Variants in SLC38A1 observed in about 807,000 individuals in gnomAD.
SLC38A1 encodes the protein solute carrier family 38 member 1, also known as sodium-coupled neutral amino acid symporter 1.
Under a neutral mutation model 60.3 loss-of-function variants are expected in SLC38A1, and 18 were observed. The observed-to-expected ratio is 0.30, with a 90% CI of 0.21 to 0.44. SLC38A1 has a LOEUF of 0.44. Ranked by LOEUF, SLC38A1 falls within the 20% of genes least tolerant of loss-of-function variation. The pLI is 1.00. For synonymous variants in SLC38A1, 196 were observed against 212.1 expected (o/e 0.92, Z 0.66); for missense variants, 448 against 587.2 (o/e 0.76, Z 2.45).
At chr12:46,190,303 G>A (rs1450350127) in intron 16 of SLC38A1, among the ~76,000 whole-genome samples, 1 of 152,174 alleles carries the variant, frequency 6.6e-6, no homozygotes. Flanking sequence ...ATTCCATGGT[G>A]TACATGTGCC....
chr12:46,264,047 T>C (rs1431286582), intron 1 of SLC38A1, among the ~76,000 whole-genome samples: 1 of 152,228 alleles, frequency 6.6e-6, no homozygotes, highest in Non-Finnish European at 1.5e-5. Context: ...CCAGGCCAAC[T>C]AAATCTGAAT....
intron 11 of SLC38A1, among the ~76,000 whole-genome samples, chr12:46,203,538 G>C (rs1202719876): frequency 6.6e-6 from 1 of 152,138 alleles, no homozygotes; most frequent in African/African-American, 2.4e-5. Flanking sequence ...CAGGTGCATG[G>C]AATCGGACTT....
intron 6 of SLC38A1, among the ~76,000 whole-genome samples, chr12:46,208,351 C>G (rs1940003011): frequency 6.6e-6 from 1 of 152,146 alleles, no homozygotes; most frequent in South Asian, 2.1e-4. Flanking sequence ...TCAAAAGGTT[C>G]ACGGAGAGCA....
In SLC38A1 at chr12:46,184,777, T is replaced by C. The variant is rs958939248; in HGVS notation, c.*4193A>G. 2.0e-5 allele frequency: 3 copies of C among 152,228 alleles called. No homozygotes were observed. The highest frequency in any genetic ancestry group is 6.5e-5 in the Admixed American group (1 of 15,282). The allele number at this position is 152,228 out of a possible 1,614,324, so 9.4% of individuals were successfully genotyped here. On this transcript the variant is annotated 3_prime_UTR_variant, in exon 17 of 17. Coordinates refer to ENST00000398637, the MANE Select transcript of SLC38A1 (RefSeq NM_030674.4). Reference sequence around the variant, plus strand: ...TAAGTCTGCATTTACAAAGGGTCTTTTATTTTAATTTCTTTCACAACTGCC... The same window carrying C: ...TAAGTCTGCATTTACAAAGGGTCTTCTATTTTAATTTCTTTCACAACTGCC...
At chr12:46,210,785 A>G (rs1028074195) in intron 5 of SLC38A1, among the ~76,000 whole-genome samples, 3 of 152,182 alleles carry the variant, frequency 2.0e-5, no homozygotes, top group African/African-American at 7.2e-5. Context: ...GCCTTCCGCC[A>G]TAATTGTGAG....
rs532451297 is a variant in SLC38A1 at position 46,188,756 on chromosome 12, A to T, written c.*214T>A. 7.9e-5 allele frequency: 33 copies of T among 417,752 alleles called. No homozygotes were observed. Among genetic ancestry groups the T allele is most frequent in the African/African-American group, 6.4e-4 (32 of 49,794 alleles). The allele number at this position is 417,752 out of a possible 1,614,324, so 25.9% of individuals were successfully genotyped here. A position where few individuals can be genotyped will look rare whatever the true frequency, so the allele number is the denominator to read the frequency against. ...TGATTGTATGAAATTTGAAAAAAAAATTTCACAATCCCTAAATTGATCTCA... is the reference window on the plus strand; with the variant it reads ...TGATTGTATGAAATTTGAAAAAAAATTTTCACAATCCCTAAATTGATCTCA... On this transcript the variant is annotated 3_prime_UTR_variant, in exon 17 of 17. Coordinates refer to ENST00000398637, the MANE Select transcript of SLC38A1 (RefSeq NM_030674.4).
chr12:46,229,042 C>T, intron 5 of SLC38A1, 111 bp downstream of exon 5: 1 of 612,206 alleles, frequency 1.6e-6, no homozygotes, highest in Non-Finnish European at 2.8e-6. Flanking sequence ...GTAACTTAGC[C>T]AAGTTAATAA....
rs1938927589 is a variant in SLC38A1 at position 46,186,084 on chromosome 12, T to A, written c.*2886A>T. The A allele has an allele frequency of 6.6e-6, 1 of 152,196 alleles. No homozygotes were observed. Among genetic ancestry groups the A allele is most frequent in the Non-Finnish European group, 1.5e-5 (1 of 68,026 alleles). The allele number at this position is 152,196 out of a possible 1,614,324, so 9.4% of individuals were successfully genotyped here. ...ATCTTTTCCAGCTGCTCTAGGGGCC[T>A]AACCACCATGGATAACCTGGTCTCT... On this transcript the variant is annotated 3_prime_UTR_variant, in exon 17 of 17. Transcript: ENST00000398637.
intron 5 of SLC38A1, among the ~76,000 whole-genome samples, chr12:46,228,924 T>C (rs1190574010): frequency 1.3e-5 from 2 of 152,216 alleles, no homozygotes; most frequent in African/African-American, 2.4e-5. Flanking sequence ...CACAAATGCT[T>C]ATTTCAGTAT....
At chr12:46,218,896 G>A (rs1429707931) in intron 5 of SLC38A1, among the ~76,000 whole-genome samples, 1 of 152,078 alleles carries the variant, frequency 6.6e-6, no homozygotes, top group Non-Finnish European at 1.5e-5. Flanking sequence ...AGAACTGGTT[G>A]GGCGAGATTA....
chr12:46,250,224 C>G (rs900013900), intron 1 of SLC38A1, among the ~76,000 whole-genome samples: 75 of 152,220 alleles, frequency 4.9e-4, no homozygotes, highest in African/African-American at 1.7e-3. Flanking sequence ...TAAACAGAAC[C>G]AACCACAAAA....
chr12:46,236,872 A>G (rs1027746802), intron 3 of SLC38A1, among the ~76,000 whole-genome samples: 2 of 152,212 alleles, frequency 1.3e-5, no homozygotes, highest in Admixed American at 6.5e-5. Context: ...AAGGTTTCCA[A>G]GTGTTTCATA....
chr12:46,204,189 CAT>C (rs1363628173), intron 11 of SLC38A1, 110 bp downstream of exon 11: 6 of 731,706 alleles, frequency 8.2e-6, no homozygotes, highest in Middle Eastern at 3.4e-4. Context: ...GCAATGGTAT[CAT>C]GTGTTCTTTT....
At chr12:46,206,498 G>A (rs1445076537) in intron 8 of SLC38A1, among the ~76,000 whole-genome samples, 1 of 151,976 alleles carries the variant, frequency 6.6e-6, no homozygotes, top group Non-Finnish European at 1.5e-5. Flanking sequence ...ATTATTTAAA[G>A]AGAAAGCTCC....
At chr12:46,216,230 A>T (rs1940405718) in intron 5 of SLC38A1, among the ~76,000 whole-genome samples, 1 of 152,168 alleles carries the variant, frequency 6.6e-6, no homozygotes, top group Non-Finnish European at 1.5e-5. Context: ...TTCTAGGGGA[A>T]ATACCTGTAT....
chr12:46,245,833 C>G (rs1026083150), intron 1 of SLC38A1, among the ~76,000 whole-genome samples: 7 of 152,238 alleles, frequency 4.6e-5, no homozygotes, highest in Non-Finnish European at 7.4e-5. Context: ...CCCAAATGGG[C>G]CACTGTTGAG....
intron 6 of SLC38A1, among the ~76,000 whole-genome samples, 156 bp from the exon 7 acceptor site, chr12:46,207,777 T>C (rs1477669770): frequency 6.6e-6 from 1 of 152,232 alleles, no homozygotes; most frequent in Non-Finnish European, 1.5e-5. Flanking sequence ...GGTTAAGGTA[T>C]CCTCATTACA....
At chr12:46,237,920 A>G (rs1281972939) in intron 3 of SLC38A1, among the ~76,000 whole-genome samples, 3 of 151,942 alleles carry the variant, frequency 2.0e-5, no homozygotes, top group African/African-American at 7.3e-5. Context: ...TGGCCCTGGT[A>G]GCATTTAATA....
At chr12:46,228,090 T>A (rs142458096) in intron 5 of SLC38A1, among the ~76,000 whole-genome samples, 12 of 152,300 alleles carry the variant, frequency 7.9e-5, no homozygotes, top group African/African-American at 2.9e-4. Context: ...AGGCTAGAGT[T>A]AGGTTCACTG....
Sources: gnomAD v4.1 joint callset for allele counts (sites outside exome capture counted in the v4.1 genomes callset) on GRCh38, gnomAD v4.1.1 for gene constraint, MANE v1.5 for transcripts, NCBI Gene and HGNC (gene_info 2026-07-23, HGNC 2026-07-21) for gene names.